Variants in FHIT observed in about 807,000 individuals in gnomAD.
The protein encoded by FHIT is fragile histidine triad diadenosine triphosphatase.
FHIT carries 19 observed loss-of-function variants against 17.9 expected under a neutral mutation model. That is an observed-to-expected ratio of 1.06 (90% CI 0.74 to 1.56). The LOEUF is 1.56. FHIT is among the 40% of genes most tolerant of loss of function. The probability of loss-of-function intolerance (pLI) is 0.00; values close to 1 mark genes in which losing one functional copy is unlikely to be tolerated. For missense variants in FHIT, 248 were observed against 189.2 expected (o/e 1.31, Z -1.82); for synonymous variants, 81 against 69.7 (o/e 1.16, Z -0.81).
intron 4 of FHIT, among the ~76,000 whole-genome samples, chr3:60,605,641 G>A (rs1254866421): frequency 6.6e-6 from 1 of 152,124 alleles, no homozygotes; most frequent in Non-Finnish European, 1.5e-5. Flanking sequence ...TAAACACAAG[G>A]TCCTTGCATC....
chr3:59,785,950 C>T (rs554039111), intron 8 of FHIT, among the ~76,000 whole-genome samples: 2 of 152,166 alleles, frequency 1.3e-5, no homozygotes, highest in South Asian at 2.1e-4. Context: ...TTCAACACCC[C>T]GCTTAGAGGA....
At chr3:60,032,346 G>C (rs892876168) in intron 5 of FHIT, among the ~76,000 whole-genome samples, 6 of 152,092 alleles carry the variant, frequency 3.9e-5, no homozygotes, top group Admixed American at 1.3e-4. Flanking sequence ...CAGCTACTCA[G>C]GAGACTGAGA....
intron 5 of FHIT, among the ~76,000 whole-genome samples, chr3:60,149,983 AG>A (rs1466787605): frequency 1.3e-4 from 15 of 118,990 alleles, no homozygotes; most frequent in African/African-American, 4.7e-4. Context: ...CAAACCTTTA[AG>A]CCTTTTTTTT....
intron 5 of FHIT, among the ~76,000 whole-genome samples, chr3:60,418,976 C>G (rs1053540436): frequency 6.6e-6 from 1 of 152,160 alleles, no homozygotes; most frequent in African/African-American, 2.4e-5. Context: ...CAATCTGGTT[C>G]TGCCTTTTTT....
intron 4 of FHIT, among the ~76,000 whole-genome samples, chr3:60,803,254 T>C (rs1553732855): frequency 6.6e-6 from 1 of 152,194 alleles, no homozygotes; most frequent in East Asian, 1.9e-4. Flanking sequence ...GTGCACCGCA[T>C]GATCTGTGAG....
intron 5 of FHIT, among the ~76,000 whole-genome samples, chr3:60,441,760 A>T (rs1559916109): frequency 9.5e-5 from 7 of 73,454 alleles, no homozygotes; most frequent in African/African-American, 3.3e-4. Context: ...ATATAAAAAT[A>T]TATATATATT....
rs375571932 is a variant in FHIT at position 61,167,446 on chromosome 3, G to T, written c.-164+33171C>A. ...GAGGTCAGGAGTTCGAGACCAGCCT[G>T]GCCAACATGGCAAAACTCCATCTCT... On this transcript the variant is annotated intron_variant, in intron 2 of 9. Coordinates refer to ENST00000492590, the MANE Select transcript of FHIT (RefSeq NM_002012.4). 2.6e-5 allele frequency among the ~76,000 whole-genome samples: 4 copies of T among 151,562 alleles called. No individual in the cohort carries two copies. The East Asian group carries it at 5.8e-4, about 22-fold the overall frequency.
At chr3:60,493,837 C>T (rs924788467) in intron 5 of FHIT, among the ~76,000 whole-genome samples, 3 of 152,046 alleles carry the variant, frequency 2.0e-5, no homozygotes, top group African/African-American at 7.2e-5. Flanking sequence ...CATTTAAGAG[C>T]ATAATGGAGT....
intron 8 of FHIT, among the ~76,000 whole-genome samples, chr3:59,915,375 T>C (rs1403340409): frequency 2.0e-5 from 3 of 152,204 alleles, no homozygotes. Context: ...TAACATGCGA[T>C]TGAACGTATT....
chr3:59,758,135 CTT>C (rs1440278531), intron 8 of FHIT, among the ~76,000 whole-genome samples: 21 of 152,278 alleles, frequency 1.4e-4, no homozygotes, highest in African/African-American at 4.8e-4. Context: ...CTGAGATTGA[CTT>C]TTAAAAATCA....
intron 5 of FHIT, among the ~76,000 whole-genome samples, chr3:60,247,424 T>TGATGAAGATGAAGATGATGAA (rs1705458828): frequency 6.6e-6 from 1 of 151,134 alleles, no homozygotes; most frequent in Non-Finnish European, 1.5e-5. Flanking sequence ...AGGAAGAAGA[T>TGATGAAGATGAAGATGATGAA]GATGAAGATG....
Position 61,226,699 on chromosome 3 carries a change from G to A in FHIT, c.-213+24602C>T, listed in dbSNP as rs116820409. 4.9e-3 allele frequency among the ~76,000 whole-genome samples: 745 copies of A among 152,290 alleles called. 8 individuals carry two copies. The highest frequency in any genetic ancestry group is 0.017 in the African/African-American group (716 of 41,528). ...AGACAGAGAGAGAGAAAAGGAAAGA[G>A]AGAGAGAAAGAGAAAAAAGTTCACC... On this transcript the variant is annotated intron_variant, in intron 1 of 9. Transcript: ENST00000492590.
intron 5 of FHIT, among the ~76,000 whole-genome samples, chr3:60,190,777 T>A (rs927618032): frequency 7.3e-5 from 11 of 151,706 alleles, no homozygotes; most frequent in African/African-American, 7.3e-5. Flanking sequence ...TAATAAAATT[T>A]AAAAAAAATA....
chr3:61,025,352 C>A (rs73104278), intron 3 of FHIT, among the ~76,000 whole-genome samples: 1,927 of 152,176 alleles, frequency 0.013, 20 homozygotes, highest in Non-Finnish European at 0.018. Context: ...CCAAAAGTAC[C>A]CTTAGTTAGG....
chr3:60,965,744 C>CA (rs1709703212), intron 3 of FHIT, among the ~76,000 whole-genome samples: 1 of 152,208 alleles, frequency 6.6e-6, no homozygotes, highest in East Asian at 1.9e-4. Context: ...GCGGAGGCTG[C>CA]AGAACAGCAA....
chr3:60,991,839 G>C (rs1385586781), intron 3 of FHIT, among the ~76,000 whole-genome samples: 1 of 152,042 alleles, frequency 6.6e-6, no homozygotes, highest in Non-Finnish European at 1.5e-5. Context: ...AGAAGAAAGA[G>C]AAGCATAAGG....
intron 3 of FHIT, among the ~76,000 whole-genome samples, chr3:60,986,740 C>G (rs1045985378): frequency 5.9e-5 from 9 of 152,286 alleles, no homozygotes; most frequent in East Asian, 5.8e-4. Context: ...CTCAAGAACT[C>G]AAGCCAGAAA....
chr3:60,756,196 C>A (rs2042567705), intron 4 of FHIT, among the ~76,000 whole-genome samples: 1 of 152,188 alleles, frequency 6.6e-6, no homozygotes, highest in South Asian at 2.1e-4. Flanking sequence ...GTAGAGAGAG[C>A]ACCTTGTGGC....
Position 60,186,923 on chromosome 3 carries a change from C to G in FHIT, c.104-172771G>C, listed in dbSNP as rs141921127. Reference sequence around the variant, plus strand: ...TAAATTCAAATGGGAGCTTTCTACTCTAGCTCCCACTGATGTGTATTTCTT... The same window carrying G: ...TAAATTCAAATGGGAGCTTTCTACTGTAGCTCCCACTGATGTGTATTTCTT... On this transcript the variant is annotated intron_variant, in intron 5 of 9. Transcript: ENST00000492590. Among the ~76,000 whole-genome samples, 58 of 152,062 alleles carry G rather than the reference C, an allele frequency of 3.8e-4. No homozygotes were observed. The East Asian group carries it at 0.011, about 29-fold the overall frequency.
Sources: allele counts gnomAD v4.1 joint callset (sites outside exome capture counted in the v4.1 genomes callset), GRCh38; gene constraint gnomAD v4.1.1; transcripts MANE v1.5; gene names NCBI Gene and HGNC (gene_info 2026-07-23, HGNC 2026-07-21).